RBM19: variants seen among roughly 807,000 people sequenced by gnomAD.
RBM19 encodes the protein probable RNA-binding protein 19.
A neutral mutation model predicts 116.8 loss-of-function variants in RBM19; 94 were observed. The ratio of observed to expected loss-of-function variants is 0.80; its 90% confidence interval spans 0.68 to 0.95. The LOEUF (loss-of-function observed/expected upper bound fraction) is 0.95, where lower values mean the gene tolerates loss of function less well. RBM19 is among the 40% of genes least tolerant of loss of function. The pLI, the probability that RBM19 is intolerant of heterozygous loss-of-function variation, is 0.00. For synonymous variants in RBM19, 475 were observed against 494.1 expected (o/e 0.96, Z 0.51); for missense variants, 1,161 against 1,220.7 (o/e 0.95, Z 0.73).
intron 23 of RBM19, among the ~76,000 whole-genome samples, chr12:113,840,312 C>T (rs1876351988): frequency 1.3e-5 from 2 of 152,216 alleles, no homozygotes; most frequent in South Asian, 4.1e-4. Context: ...ACAGGTGAGG[C>T]CAGCAGGGAG....
intron 21 of RBM19, among the ~76,000 whole-genome samples, chr12:113,871,815 C>T (rs569333648): frequency 4.3e-4 from 66 of 152,222 alleles, no homozygotes; most frequent in Non-Finnish European, 8.1e-4. Flanking sequence ...TCTTTGCCGC[C>T]GCGCCGGCGA....
At chr12:113,875,096 G>T (rs1478227303) in intron 21 of RBM19, among the ~76,000 whole-genome samples, 1 of 152,232 alleles carries the variant, frequency 6.6e-6, no homozygotes, top group South Asian at 2.1e-4. Flanking sequence ...GCCACGGTGC[G>T]GACCGTTCGA....
chr12:113,957,546 G>A (rs545519040), intron 6 of RBM19, among the ~76,000 whole-genome samples: 1 of 152,166 alleles, frequency 6.6e-6, no homozygotes, highest in Non-Finnish European at 1.5e-5. Flanking sequence ...CAGCCTGGGT[G>A]ACAGAGTGAG....
chr12:113,951,355 C>T (rs1871445988), intron 8 of RBM19, among the ~76,000 whole-genome samples: 1 of 152,134 alleles, frequency 6.6e-6, no homozygotes, highest in Non-Finnish European at 1.5e-5. Context: ...TTCCTGCTCC[C>T]TCCCTGGTCT....
chr12:113,934,170 C>T (rs976921850), intron 16 of RBM19, among the ~76,000 whole-genome samples: 3 of 152,202 alleles, frequency 2.0e-5, no homozygotes, highest in Non-Finnish European at 4.4e-5. Flanking sequence ...CCAGGCTTGT[C>T]TTGAACTTCT....
chr12:113,857,391 T>A (rs894604552), intron 22 of RBM19, among the ~76,000 whole-genome samples: 3 of 152,226 alleles, frequency 2.0e-5, no homozygotes, highest in African/African-American at 7.2e-5. Flanking sequence ...GGCGCAGCCA[T>A]CATTCCCGTT....
intron 21 of RBM19, among the ~76,000 whole-genome samples, chr12:113,908,289 C>A (rs1231451769): frequency 6.6e-6 from 1 of 152,100 alleles, no homozygotes; most frequent in Admixed American, 6.5e-5. Context: ...AGGAGTCAAT[C>A]GGGCAGTGAC....
At chr12:113,871,918 C>G (rs561240656) in intron 21 of RBM19, among the ~76,000 whole-genome samples, 1 of 151,826 alleles carries the variant, frequency 6.6e-6, no homozygotes, top group Non-Finnish European at 1.5e-5. Context: ...CCCAAAGTGC[C>G]GAGATTGCAG....
intron 16 of RBM19, among the ~76,000 whole-genome samples, chr12:113,933,295 G>A (rs778565288): frequency 6.6e-6 from 1 of 150,432 alleles, no homozygotes; most frequent in African/African-American, 2.4e-5. Context: ...CGTTGTCCTC[G>A]TACAACGGGG....
chr12:113,944,108 T>TTTTTTTTTTTC (rs1870817240), intron 13 of RBM19, among the ~76,000 whole-genome samples: 1 of 140,622 alleles, frequency 7.1e-6, no homozygotes, highest in South Asian at 2.5e-4. Flanking sequence ...TTTTTTTTTT[T>TTTTTTTTTTTC]TTTTTTTTTG....
intron 21 of RBM19, among the ~76,000 whole-genome samples, chr12:113,886,208 C>G (rs1358141448): frequency 1.3e-5 from 2 of 152,212 alleles, no homozygotes; most frequent in Non-Finnish European, 2.9e-5. Context: ...CCACAGCTCA[C>G]TGCAACCTCT....
intron 14 of RBM19, among the ~76,000 whole-genome samples, chr12:113,941,993 T>TTC (rs1223176852): frequency 1.3e-5 from 2 of 151,964 alleles, no homozygotes; most frequent in African/African-American, 2.4e-5. Context: ...CCCTGCTAGG[T>TTC]TCAAGAAGGG....
chr12:113,957,970 C>T lies in RBM19; in HGVS notation c.652G>A (p.Ala218Thr). The change falls in exon 6 of 24, where the codon GCT becomes ACT. Residue 218 changes from alanine to threonine, a missense_variant. By Grantham distance (58) the Ala-to-Thr change is moderately conservative. Transcript: ENST00000261741. ...MDYLKSKMVKAGSSSSSEEEE... is the reference protein window; with the variant it reads ...MDYLKSKMVKTGSSSSSEEEE... ...TCCTCCGAGGAAGAGGACGACCCAGCCTTCACCATCTTGGATTTCAGGTAA... is the reference window on the plus strand; with the variant it reads ...TCCTCCGAGGAAGAGGACGACCCAGTCTTCACCATCTTGGATTTCAGGTAA... 6.2e-7 allele frequency: 1 copy of T among 1,614,222 alleles called. No individual in the cohort carries two copies. Among genetic ancestry groups the T allele is most frequent in the Middle Eastern group, 1.6e-4 (1 of 6,062 alleles).
At chr12:113,952,021 C>T (rs1871515967) in intron 8 of RBM19, among the ~76,000 whole-genome samples, 1 of 152,242 alleles carries the variant, frequency 6.6e-6, no homozygotes, top group African/African-American at 2.4e-5. Flanking sequence ...CTCAGACACT[C>T]TGCCTTCCAG....
At chr12:113,933,786 T>C (rs1053988197) in intron 16 of RBM19, among the ~76,000 whole-genome samples, 1 of 152,198 alleles carries the variant, frequency 6.6e-6, no homozygotes, top group African/African-American at 2.4e-5. Flanking sequence ...ACTTGTGACA[T>C]CTCACTTGTC....
At chr12:113,880,401 G>A (rs982646680) in intron 21 of RBM19, among the ~76,000 whole-genome samples, 7 of 152,200 alleles carry the variant, frequency 4.6e-5, no homozygotes, top group East Asian at 1.9e-4. Flanking sequence ...AGATCCATTC[G>A]GTAAGTAATG....
intron 1 of RBM19, among the ~76,000 whole-genome samples, chr12:113,965,073 C>T (rs1315307133): frequency 6.6e-6 from 1 of 151,844 alleles, no homozygotes; most frequent in Non-Finnish European, 1.5e-5. Context: ...GAGTTCGAGA[C>T]CAACTTGTCC....
intron 22 of RBM19, among the ~76,000 whole-genome samples, chr12:113,852,106 T>C (rs1031630058): frequency 2.6e-5 from 4 of 151,686 alleles, no homozygotes; most frequent in African/African-American, 9.7e-5. Context: ...CAAACTTGGC[T>C]GGGAGTTTTA....
intron 21 of RBM19, among the ~76,000 whole-genome samples, chr12:113,884,510 A>G (rs1390640821): frequency 6.6e-6 from 1 of 152,104 alleles, no homozygotes; most frequent in African/African-American, 2.4e-5. Context: ...CCCATAATGC[A>G]CAGAACGGCC....
Sources: allele counts gnomAD v4.1 joint callset (sites outside exome capture counted in the v4.1 genomes callset), GRCh38; gene constraint gnomAD v4.1.1; transcripts MANE v1.5; gene names NCBI Gene and HGNC (gene_info 2026-07-23, HGNC 2026-07-21).